The following EGFL6 variants were observed in gnomAD, a reference collection of about 807,000 sequenced individuals.
The protein encoded by EGFL6 is epidermal growth factor-like protein 6.
EGFL6 carries 42 observed loss-of-function variants against 43.1 expected under a neutral mutation model. That is an observed-to-expected ratio of 0.98 (90% CI 0.76 to 1.26). EGFL6 has a LOEUF of 1.26. EGFL6 is among the 50% of genes most tolerant of loss of function. The pLI is 0.00. For synonymous variants in EGFL6, 164 were observed against 163.2 expected, an observed-to-expected ratio of 1.01 and a Z score of -0.04; for missense variants, 429 against 427.8, an observed-to-expected ratio of 1.00 and a Z score of -0.02.
intron 5 of EGFL6, among the ~76,000 whole-genome samples, chrX:13,605,089 A>G (rs1388405758): frequency 7.2e-5 from 8 of 111,811 alleles, no homozygotes; most frequent in Non-Finnish European, 1.3e-4. Context: ...CTAATTATTG[A>G]CCAAACTGAA....
chrX:13,597,581 T>A (rs1287699156), intron 3 of EGFL6, among the ~76,000 whole-genome samples: 1 of 111,534 alleles, frequency 9.0e-6, no homozygotes, highest in Non-Finnish European at 1.9e-5. Flanking sequence ...GTCAAGAGTT[T>A]GAGACCAGCC....
rs1489141420 is a variant in EGFL6 at position 13,616,214 on chromosome X, A to T, written c.779-1516A>T. On this transcript the variant is annotated intron_variant, in intron 7 of 11. Transcript: ENST00000361306. The stretch of plus-strand genomic sequence containing the variant: ...GTATATCCCTGAAAAGGAGACATAT[A>T]TCTTTGAATTATAGATCTCAAGGAA... 2.7e-5 allele frequency among the ~76,000 whole-genome samples: 3 copies of T among 112,350 alleles called. No homozygotes were observed. The Admixed American group carries it at 2.8e-4, about 11-fold the overall frequency.
intron 9 of EGFL6, among the ~76,000 whole-genome samples, chrX:13,623,376 G>GTTTTTTT (rs1569209997): frequency 7.3e-5 from 3 of 41,031 alleles, no homozygotes; most frequent in African/African-American, 3.6e-4. Context: ...TTTTATTTTG[G>GTTTTTTT]GTTTTTTTTT....
intron 9 of EGFL6, 94 bp from the exon 10 acceptor site, chrX:13,623,730 A>G: frequency 1.6e-6 from 1 of 642,698 alleles, no homozygotes; most frequent in Non-Finnish European, 2.5e-6. Context: ...ACTCTGTGCG[A>G]CTGAAAACAA....
At chrX:13,577,305 T>TG in intron 1 of EGFL6, among the ~76,000 whole-genome samples, 1 of 8,908 alleles carries the variant, frequency 1.1e-4, no homozygotes, top group Non-Finnish European at 2.5e-4. Context: ...ATTTTATATA[T>TG]ATATATATAT....
chrX:13,592,831 A>G, intron 2 of EGFL6, among the ~76,000 whole-genome samples: 1 of 77,192 alleles, frequency 1.3e-5, no homozygotes, highest in East Asian at 4.8e-4. Flanking sequence ...AATAGCAAGC[A>G]ATATCTTTTG....
Position 13,594,886 on chromosome X carries a change from T to C in EGFL6, c.238T>C (p.Cys80Arg). Residue 80 changes from cysteine to arginine, a missense_variant, in exon 3 of 12, where the codon TGC (cysteine) becomes CGC (arginine). Transcript: ENST00000361306. ...TGGTGAGTGCGTGGGACCAAACAAA[T>C]GCAGATGCTTTCCAGGATACACCGG... ...KFGECVGPNK[C>R]RCFPGYTGKT... 1 of 1,211,017 alleles carries C rather than the reference T, an allele frequency of 8.3e-7. No homozygotes were observed. Among genetic ancestry groups the C allele is most frequent in the Non-Finnish European group, 1.1e-6 (1 of 894,969 alleles).
At chrX:13,617,614 G>A in intron 7 of EGFL6, 116 bp from the exon 8 acceptor site, 1 of 592,601 alleles carries the variant, frequency 1.7e-6, no homozygotes, top group East Asian at 3.3e-5. Context: ...AGAGCCTCAT[G>A]TGGGTTCATT....
chrX:13,573,105 T>C (rs1338371034), intron 1 of EGFL6, among the ~76,000 whole-genome samples: 1 of 112,182 alleles, frequency 8.9e-6, no homozygotes, highest in Non-Finnish European at 1.9e-5. Context: ...ACTCGGATAA[T>C]TCAGGATAAT....
At chrX:13,601,405 TC>T (rs2045633389) in intron 4 of EGFL6, among the ~76,000 whole-genome samples, 1 of 111,797 alleles carries the variant, frequency 8.9e-6, no homozygotes. Context: ...GGTTTTATGT[TC>T]CAGTTGAAAG....
At chrX:13,604,264 TGAG>T (rs1262476870) in intron 5 of EGFL6, among the ~76,000 whole-genome samples, 1 of 111,058 alleles carries the variant, frequency 9.0e-6, no homozygotes, top group East Asian at 2.8e-4. Flanking sequence ...AGATTCTGGT[TGAG>T]GAGTAGGGAA....
At chrX:13,622,171 A>G (rs1334102455) in intron 9 of EGFL6, among the ~76,000 whole-genome samples, 1 of 111,569 alleles carries the variant, frequency 9.0e-6, no homozygotes, top group Non-Finnish European at 1.9e-5. Flanking sequence ...ACTAGAAAGA[A>G]AATATATTTG....
At chrX:13,571,150 A>G (rs2146958548) in intron 1 of EGFL6, among the ~76,000 whole-genome samples, 1 of 95,338 alleles carries the variant, frequency 1.0e-5, no homozygotes, top group South Asian at 6.3e-4. Context: ...CAACAAAAAA[A>G]AGGTTTGGGA....
rs1249506812 is a variant in EGFL6 at position 13,594,983 on chromosome X, GC to G, written c.280+56del. ...AAATTCAATCATTGCAGCAGGGCTG[GC>G]GACTCAATATGGTACGCAGGATTTC... On this transcript the variant is annotated intron_variant, in intron 3 of 11. Coordinates refer to ENST00000361306, the MANE Select transcript of EGFL6 (RefSeq NM_015507.4). The G allele has an allele frequency of 6.4e-5, 61 of 959,364 alleles. No homozygotes were observed. The South Asian group carries it at 1.1e-3, about 17-fold the overall frequency. The allele number at this position is 959,364 out of a possible 1,213,427, so 79.1% of individuals were successfully genotyped here.
At chrX:13,593,263 A>C (rs994095097) in intron 2 of EGFL6, among the ~76,000 whole-genome samples, 1 of 111,239 alleles carries the variant, frequency 9.0e-6, no homozygotes, top group South Asian at 3.8e-4. Context: ...TGTATTCAGG[A>C]GGGAACAAAG....
intron 1 of EGFL6, among the ~76,000 whole-genome samples, chrX:13,588,219 G>A (rs1353645272): frequency 8.9e-6 from 1 of 112,676 alleles, no homozygotes; most frequent in Non-Finnish European, 1.9e-5. Flanking sequence ...TAAATGAAAT[G>A]TCTCAGACCA....
At chrX:13,600,159 T>C in intron 4 of EGFL6, 65 bp downstream of exon 4, 2 of 1,117,468 alleles carry the variant, frequency 1.8e-6, no homozygotes, top group African/African-American at 3.6e-5. Flanking sequence ...CATTTGATGC[T>C]TGGGGAAAAG....
intron 6 of EGFL6, among the ~76,000 whole-genome samples, chrX:13,607,248 A>G (rs1197736878): frequency 9.0e-6 from 1 of 111,440 alleles, no homozygotes; most frequent in Non-Finnish European, 1.9e-5. Flanking sequence ...CCCTATAGTG[A>G]AGGGAAATTC....
Position 13,608,366 on chromosome X carries a change from A to G in EGFL6, c.698A>G (p.His233Arg), listed in dbSNP as rs1419370561. 1.7e-6 allele frequency: 2 copies of G among 1,209,484 alleles called. No homozygotes were observed. The highest frequency in any genetic ancestry group is 3.5e-5 in the African/African-American group (2 of 57,101). Residue 233 changes from histidine (H) to arginine (R), a missense_variant, in exon 7 of 12, where the codon CAT becomes CGT. Transcript: ENST00000361306. ...ATGGATAGCCATACGTGCAGCCACC[A>G]TGCCAATTGCTTCAATACCCAAGGG... ...CTMDSHTCSH[H>R]ANCFNTQGSF... is the part of the protein sequence containing the mutation.
Sources: allele counts gnomAD v4.1 joint callset (sites outside exome capture counted in the v4.1 genomes callset), GRCh38; gene constraint gnomAD v4.1.1; transcripts MANE v1.5; gene names NCBI Gene and HGNC (gene_info 2026-07-23, HGNC 2026-07-21).